CCP110: variants seen among roughly 807,000 people sequenced by gnomAD.
CCP110 encodes centriolar coiled-coil protein 110.
CCP110 carries 43 observed loss-of-function variants against 105.5 expected under a neutral mutation model. That is an observed-to-expected ratio of 0.41 (90% CI 0.32 to 0.53). The LOEUF (loss-of-function observed/expected upper bound fraction) is 0.53, where lower values mean the gene tolerates loss of function less well. CCP110 is among the 20% of genes least tolerant of loss of function. The pLI, the probability that CCP110 is intolerant of heterozygous loss-of-function variation, is 0.32. For synonymous variants in CCP110, 353 were observed against 392.1 expected (o/e 0.90, Z 1.18); for missense variants, 1,016 against 1,189.1 (o/e 0.85, Z 2.14).
chr16:19,532,988 A>C (rs2067655), intron 3 of CCP110, among the ~76,000 whole-genome samples: 7,166 of 152,320 alleles, frequency 0.047, 208 homozygotes, highest in African/African-American at 0.078. Context: ...TTTAGATAAC[A>C]TTGAATTGTT....
chr16:19,545,314 T>A, intron 10 of CCP110, 104 bp downstream of exon 10: 1 of 573,932 alleles, frequency 1.7e-6, no homozygotes. Context: ...TGATAATTCT[T>A]AAGCACAAGT....
chr16:19,543,555 C>T (rs1970361439), intron 8 of CCP110, among the ~76,000 whole-genome samples: 1 of 152,206 alleles, frequency 6.6e-6, no homozygotes, highest in Admixed American at 6.5e-5. Flanking sequence ...CCATAACTGA[C>T]TGCCTGCGAG....
chr16:19,535,855 A>T, intron 3 of CCP110, 85 bp from the exon 4 acceptor site: 1 of 970,986 alleles, frequency 1.0e-6, no homozygotes, highest in South Asian at 1.9e-5. Flanking sequence ...CTGAATTTTC[A>T]ATTTCAATTT....
At chr16:19,531,996 A>C (rs556661565) in intron 2 of CCP110, among the ~76,000 whole-genome samples, 1 of 151,774 alleles carries the variant, frequency 6.6e-6, no homozygotes, top group Non-Finnish European at 1.5e-5. Context: ...ACTGAATGTG[A>C]AGTAATATTC....
intron 14 of CCP110, 104 bp from the exon 14 acceptor site, chr16:19,551,092 A>G (rs534144266): frequency 4.0e-6 from 3 of 745,230 alleles, no homozygotes; most frequent in African/African-American, 3.5e-5. Flanking sequence ...ATGATAATGT[A>G]TATTGCCTAG....
chr16:19,548,635 T>C lies in CCP110; in HGVS notation c.2986+35T>C, dbSNP rs1476920885. 1.2e-5 allele frequency: 16 copies of C among 1,310,450 alleles called. No individual in the cohort carries two copies. The highest frequency in any genetic ancestry group is 2.5e-5 in the East Asian group (1 of 39,846). The allele number at this position is 1,310,450 out of a possible 1,614,324, so 81.2% of individuals were successfully genotyped here. On this transcript the variant is annotated intron_variant, in intron 14 of 14. Transcript: ENST00000381396. The surrounding 1 kb of genome is among the most constrained non-coding windows in gnomAD (Gnocchi z 4.1). Reference sequence around the variant, plus strand: ...AAATAAATTCCTGAAGCCCATTCAATAGAAGGAAGTGCACAAGCTGCCCCA... The same window carrying C: ...AAATAAATTCCTGAAGCCCATTCAACAGAAGGAAGTGCACAAGCTGCCCCA...
chr16:19,531,505 G>T (rs1266143904), intron 2 of CCP110, among the ~76,000 whole-genome samples: 2 of 152,196 alleles, frequency 1.3e-5, no homozygotes, highest in East Asian at 3.8e-4. Context: ...TTATCAGAAG[G>T]TAGAGTGAGG....
At chr16:19,532,744 A>G (rs1036256333) in intron 3 of CCP110, among the ~76,000 whole-genome samples, 200 bp downstream of exon 3, 1 of 152,220 alleles carries the variant, frequency 6.6e-6, no homozygotes, top group African/African-American at 2.4e-5. Context: ...CCAGTACTTG[A>G]ATCAGAGGAT....
chr16:19,535,127 G>A (rs1338817626), intron 3 of CCP110, among the ~76,000 whole-genome samples: 10 of 151,946 alleles, frequency 6.6e-5, no homozygotes, highest in Non-Finnish European at 1.0e-4. Context: ...TGATCCGCCC[G>A]CCTCGGCCTC....
intron 4 of CCP110, among the ~76,000 whole-genome samples, chr16:19,539,309 T>C (rs1023829354): frequency 1.3e-5 from 2 of 152,120 alleles, no homozygotes; most frequent in South Asian, 4.1e-4. Flanking sequence ...CTCTTAGGGC[T>C]TATGGGAAAT....
chr16:19,531,965 C>CAAAAAAAAAAA (rs35419402), intron 2 of CCP110, among the ~76,000 whole-genome samples: 1 of 80,096 alleles, frequency 1.2e-5, no homozygotes. Flanking sequence ...GACTCCATCT[C>CAAAAAAAAAAA]AAAAAAAAAA....
chr16:19,526,418 C>T (rs1026069912), intron 1 of CCP110: 4 of 151,938 alleles, frequency 2.6e-5, no homozygotes, highest in African/African-American at 9.7e-5. Flanking sequence ...TGAGTTGAAA[C>T]CTAGACCTAA....
chr16:19,541,553 A>G (rs7199035), intron 5 of CCP110, among the ~76,000 whole-genome samples: 55,563 of 150,466 alleles, frequency 0.37, 11,713 homozygotes, highest in East Asian at 0.57. Context: ...TTGAACCCGC[A>G]AGGTGGAGAT....
intron 3 of CCP110, among the ~76,000 whole-genome samples, chr16:19,532,778 T>C (rs1344752826): frequency 6.6e-6 from 1 of 152,206 alleles, no homozygotes; most frequent in Non-Finnish European, 1.5e-5. Context: ...AACCATACAC[T>C]GAATATAATT....
intron 2 of CCP110, among the ~76,000 whole-genome samples, chr16:19,529,088 T>C (rs903440009): frequency 2.0e-4 from 31 of 152,358 alleles, no homozygotes; most frequent in African/African-American, 6.7e-4. Flanking sequence ...TAAGGCTATT[T>C]TGAAGATTAA....
chr16:19,540,519 G>C (rs1970239038), intron 4 of CCP110, 138 bp from the exon 5 acceptor site: 1 of 693,232 alleles, frequency 1.4e-6, no homozygotes, highest in East Asian at 2.8e-5. Flanking sequence ...TCGAAGTAGA[G>C]ACCCAGCTAT....
intron 4 of CCP110, among the ~76,000 whole-genome samples, chr16:19,540,234 C>T (rs992838316): frequency 1.3e-5 from 2 of 152,124 alleles, no homozygotes. Flanking sequence ...AGCTTTATAC[C>T]ATCAAGGAAA....
rs115107230 is a variant in CCP110, at chr16:19,537,662, G to A, written c.1918+75G>A. 1.4e-3 allele frequency: 1,119 copies of A among 805,860 alleles called. 10 individuals carry two copies. The African/African-American group carries it at 0.018, about 13-fold the overall frequency. The allele number at this position is 805,860 out of a possible 1,614,324, so 49.9% of individuals were successfully genotyped here. A position where few individuals can be genotyped will look rare whatever the true frequency, so the allele number is the denominator to read the frequency against. ...TTAATACTCTTAATTGACATTTTTG[G>A]GAAAAAAGTGGTCTTTATTCATATG... On this transcript the variant is annotated intron_variant, in intron 4 of 14. Transcript: ENST00000381396.
Position 19,546,174 on chromosome 16 carries a change from C to A in CCP110, c.2778-238C>A, listed in dbSNP as rs1970451760. Reference sequence around the variant, plus strand: ...TTATATTCAGTGCCTAAATATATTCCTTTTCTGATGTCCTAAAGGTTTCTT... The same window carrying A: ...TTATATTCAGTGCCTAAATATATTCATTTTCTGATGTCCTAAAGGTTTCTT... On this transcript the variant is annotated intron_variant, in intron 11 of 14. Transcript: ENST00000381396. 5.9e-6 allele frequency: 3 copies of A among 510,484 alleles called. No homozygotes were observed. In the South Asian group the frequency reaches 9.6e-5, roughly 16 times the overall value. The allele number at this position is 510,484 out of a possible 1,614,324, so 31.6% of individuals were successfully genotyped here. A position where few individuals can be genotyped will look rare whatever the true frequency, so the allele number is the denominator to read the frequency against.
Sources: gnomAD v4.1 joint callset for allele counts (sites outside exome capture counted in the v4.1 genomes callset) on GRCh38, gnomAD v4.1.1 for gene constraint, Gnocchi (gnomAD v3.1) non-coding constraint, MANE v1.5 for transcripts, NCBI Gene and HGNC (gene_info 2026-07-23, HGNC 2026-07-21) for gene names.